TNRC6C: variants seen among roughly 807,000 people sequenced by gnomAD.
TNRC6C encodes trinucleotide repeat-containing gene 6C protein.
In TNRC6C, 20 loss-of-function variants were observed where a neutral mutation model predicts 153.7. That is an observed-to-expected ratio of 0.13 (90% CI 0.09 to 0.19). The LOEUF (loss-of-function observed/expected upper bound fraction) is 0.19, where lower values mean the gene tolerates loss of function less well. TNRC6C is among the 10% of genes least tolerant of loss of function. TNRC6C has a pLI of 1.00. For missense variants in TNRC6C, 1,987 were observed against 2,172.0 expected, an observed-to-expected ratio of 0.91 and a Z score of 1.69; for synonymous variants, 811 against 841.4, an observed-to-expected ratio of 0.96 and a Z score of 0.63.
Position 78,079,594 on chromosome 17 carries a change from T to C in TNRC6C, c.3357+53T>C. 6.3e-7 allele frequency: 1 copy of C among 1,595,100 alleles called. No homozygotes were observed. The highest frequency in any genetic ancestry group is 8.6e-7 in the Non-Finnish European group (1 of 1,165,688). ...GCAACAGGATATAGATGCCAGTGTT[T>C]CGTGGGGTCCTGTGTTATCTGGAAG... On this transcript the variant is annotated intron_variant, in intron 10 of 19. Coordinates refer to ENST00000301624, the Ensembl canonical transcript of TNRC6C. The surrounding 1 kb of genome is among the most constrained non-coding windows in gnomAD (Gnocchi z 4.3).
At chr17:78,015,480 A>G (rs1428191318) in intron 1 of TNRC6C, among the ~76,000 whole-genome samples, 24 of 152,238 alleles carry the variant, frequency 1.6e-4, no homozygotes, top group Admixed American at 1.6e-3. Context: ...ACTTGTTATT[A>G]TACTTTAGGC....
chr17:78,072,312 AT>A (rs1360465266), intron 6 of TNRC6C, among the ~76,000 whole-genome samples: 3 of 152,272 alleles, frequency 2.0e-5, no homozygotes, highest in Non-Finnish European at 4.4e-5. Context: ...GTCATAAATT[AT>A]CAAAATGAAT....
chr17:77,965,579 T>C (rs907131106), intron 1 of TNRC6C, among the ~76,000 whole-genome samples: 9 of 152,186 alleles, frequency 5.9e-5, no homozygotes, highest in African/African-American at 2.2e-4. Context: ...ACAAAACCTT[T>C]ATGTCTTCCC....
At chr17:78,087,796 C>G (rs187700185) in intron 13 of TNRC6C, among the ~76,000 whole-genome samples, 3 of 152,306 alleles carry the variant, frequency 2.0e-5, no homozygotes, top group Admixed American at 2.0e-4. Context: ...TAGAAGCACA[C>G]TCAGCACTTG....
intron 15 of TNRC6C, 47 bp downstream of exon 17, chr17:78,093,171 G>T: frequency 6.3e-7 from 1 of 1,583,890 alleles, no homozygotes. Context: ...GTCAGAATGT[G>T]CTCCAAGCCT....
intron 5 of TNRC6C, among the ~76,000 whole-genome samples, chr17:78,068,647 AGCTG>A (rs2072929134): frequency 6.6e-6 from 1 of 152,186 alleles, no homozygotes; most frequent in Admixed American, 6.5e-5. Flanking sequence ...TACAAAAACT[AGCTG>A]GGCGTGGTGG....
intron 1 of TNRC6C, among the ~76,000 whole-genome samples, chr17:77,972,493 C>T (rs2144067956): frequency 6.8e-6 from 1 of 146,660 alleles, no homozygotes; most frequent in South Asian, 2.1e-4. Context: ...GCCTGGAAGA[C>T]AGAGCAAGAC....
At chr17:78,100,657 C>T (rs1205997891) in intron 17 of TNRC6C, among the ~76,000 whole-genome samples, 1 of 152,084 alleles carries the variant, frequency 6.6e-6, no homozygotes, top group African/African-American at 2.4e-5. Context: ...CTCTGACATG[C>T]TCTAGAGACA....
chr17:78,011,443 T>G (rs142719203), intron 1 of TNRC6C, among the ~76,000 whole-genome samples: 2 of 152,362 alleles, frequency 1.3e-5, no homozygotes, highest in East Asian at 3.9e-4. Context: ...TCCTACACTG[T>G]GCACTTTGGC....
At chr17:78,050,493 G>A (rs2072503085) in exon 3 of TNRC6C, 2 of 1,613,908 alleles carry the variant, frequency 1.2e-6, no homozygotes, top group Non-Finnish European at 1.7e-6. Context: ...ATGGGACAGA[G>A]GCCTGGGGTT....
chr17:78,091,417 C>A, intron 13 of TNRC6C, 23 bp from the exon 16 acceptor site: 1 of 1,562,892 alleles, frequency 6.4e-7, no homozygotes, highest in Non-Finnish European at 8.7e-7. Context: ...GCAGGCGAAT[C>A]CTAACCGCAT....
intron 5 of TNRC6C, among the ~76,000 whole-genome samples, chr17:78,069,700 A>G (rs56196034): frequency 0.1 from 15,406 of 152,276 alleles, 848 homozygotes; most frequent in East Asian, 0.18. Context: ...TCTACATTAT[A>G]CAGAACTAAA....
intron 1 of TNRC6C, among the ~76,000 whole-genome samples, chr17:77,970,667 G>GTGTGTA (rs2070933548): frequency 6.6e-6 from 1 of 152,142 alleles, no homozygotes; most frequent in Non-Finnish European, 1.5e-5. Context: ...GTGTGTGTGT[G>GTGTGTA]TGTGTATGTG....
intron 1 of TNRC6C, among the ~76,000 whole-genome samples, chr17:77,991,111 G>A (rs938390831): frequency 6.6e-5 from 10 of 152,188 alleles, no homozygotes; most frequent in African/African-American, 1.4e-4. Flanking sequence ...TATGTTGCTC[G>A]TTATTCTGTA....
rs1347222472 is a variant in TNRC6C, at chr17:77,968,715, A to C, written c.-38+9447A>C. On this transcript the variant is annotated intron_variant, in intron 1 of 22. Transcript: ENST00000636222. ...GGATGGCAGAATTTTGATTGGGTAGATCTTAAGTCTTCAGAAAATGGTTTG... is the reference window on the plus strand; with the variant it reads ...GGATGGCAGAATTTTGATTGGGTAGCTCTTAAGTCTTCAGAAAATGGTTTG... Among the ~76,000 whole-genome samples, 3 of 152,216 alleles carry C rather than the reference A, an allele frequency of 2.0e-5. No homozygotes were observed. The East Asian group carries it at 5.8e-4, about 29-fold the overall frequency.
chr17:78,079,025 A>G lies in TNRC6C; in HGVS notation c.3211-370A>G, dbSNP rs1420928526. On this transcript the variant is annotated intron_variant, in intron 9 of 19. Transcript: ENST00000301624. The surrounding 1 kb of genome is among the most constrained non-coding windows in gnomAD (Gnocchi z 4.3). ...GAGAATTGCTTGAACCCAGGGGTAG[A>G]GGTTGCAGTGAGCTGAGATCGCACT... Among the ~76,000 whole-genome samples the G allele has an allele frequency of 1.3e-5, 2 of 151,728 alleles. No individual in the cohort carries two copies. The highest frequency in any genetic ancestry group is 4.8e-5 in the African/African-American group (2 of 41,270).
At chr17:78,086,381 A>T in intron 11 of TNRC6C, 122 bp from the exon 14 acceptor site, 1 of 483,152 alleles carries the variant, frequency 2.1e-6, no homozygotes, top group Non-Finnish European at 3.9e-6. Flanking sequence ...CAGCCACAGT[A>T]TGGGCCAAGA....
intron 1 of TNRC6C, among the ~76,000 whole-genome samples, chr17:77,961,203 T>C (rs187640094): frequency 6.6e-6 from 1 of 151,834 alleles, no homozygotes; most frequent in East Asian, 1.9e-4. Flanking sequence ...TTGCCCAGGC[T>C]GGAGTGCAAT....
intron 1 of TNRC6C, among the ~76,000 whole-genome samples, chr17:77,990,797 C>T (rs766705697): frequency 6.6e-6 from 1 of 152,140 alleles, no homozygotes; most frequent in Non-Finnish European, 1.5e-5. Flanking sequence ...GCAACTATGG[C>T]AATTTGTCTT....
Sources: gnomAD v4.1 joint callset for allele counts (sites outside exome capture counted in the v4.1 genomes callset) on GRCh38, gnomAD v4.1.1 for gene constraint, Gnocchi (gnomAD v3.1) non-coding constraint, MANE v1.5 for transcripts, NCBI Gene and HGNC (gene_info 2026-07-23, HGNC 2026-07-21) for gene names.